Variants in PCDHGB6 observed in about 807,000 individuals in gnomAD.
PCDHGB6 encodes protocadherin gamma subfamily B, 6.
Under a neutral mutation model 59.1 loss-of-function variants are expected in PCDHGB6, and 51 were observed. That is an observed-to-expected ratio of 0.86 (90% CI 0.69 to 1.09). PCDHGB6 has a LOEUF of 1.09. Among genes scored for constraint, PCDHGB6 ranks in the 50% least tolerant of loss-of-function variants. The pLI, the probability that PCDHGB6 is intolerant of heterozygous loss-of-function variation, is 0.00. For synonymous variants in PCDHGB6, 466 were observed against 495.1 expected, an observed-to-expected ratio of 0.94 and a Z score of 0.78; for missense variants, 1,148 against 1,205.1, an observed-to-expected ratio of 0.95 and a Z score of 0.70.
rs1187459113 is a variant in PCDHGB6 at position 141,487,187 on chromosome 5, G to A, written c.2419-7620G>A. On this transcript the variant is annotated intron_variant, in intron 1 of 3. Coordinates refer to ENST00000520790, the MANE Select transcript of PCDHGB6 (RefSeq NM_018926.3). This position sits in a 1 kb window ranked among gnomAD's most constrained non-coding sequence, Gnocchi z 5.0. The stretch of plus-strand genomic sequence containing the variant: ...GTCCTTAGAGGAAGACACTCATCCA[G>A]TTGTCCCAGATCTTCGAGAATCTTC... 1.2e-6 allele frequency: 2 copies of A among 1,613,826 alleles called. No homozygotes were observed. Among genetic ancestry groups the A allele is most frequent in the Admixed American group, 3.3e-5 (2 of 60,024 alleles).
intron 1 of PCDHGB6, chr5:141,428,064 G>A: frequency 6.2e-7 from 1 of 1,609,060 alleles, no homozygotes; most frequent in East Asian, 2.2e-5. Flanking sequence ...GGCGGTGGAC[G>A]CAGATTCGGG....
At chr5:141,419,298 A>G in intron 1 of PCDHGB6, 1 of 1,613,988 alleles carries the variant, frequency 6.2e-7, no homozygotes, top group Non-Finnish European at 8.5e-7. Context: ...TCTGACCCAG[A>G]CTTCGGGCTC....
Position 141,493,022 on chromosome 5 carries a change from G to C in PCDHGB6, c.2419-1785G>C, listed in dbSNP as rs1184742888. On this transcript the variant is annotated intron_variant, in intron 1 of 3. Transcript: ENST00000520790. This position sits in a 1 kb window ranked among gnomAD's most constrained non-coding sequence, Gnocchi z 4.3. Reference sequence around the variant, plus strand: ...GCTATAGGCTCTGCCAGATGCCAGGGTGCCCTTATGTGTGAGGAAACTACA... The same window carrying C: ...GCTATAGGCTCTGCCAGATGCCAGGCTGCCCTTATGTGTGAGGAAACTACA... Among the ~76,000 whole-genome samples the C allele has an allele frequency of 6.6e-6, 1 of 152,222 alleles. No individual in the cohort carries two copies. Among genetic ancestry groups the C allele is most frequent in the Non-Finnish European group, 1.5e-5 (1 of 68,040 alleles).
intron 1 of PCDHGB6, among the ~76,000 whole-genome samples, chr5:141,467,707 G>A (rs1203906639): frequency 6.6e-6 from 1 of 152,140 alleles, no homozygotes; most frequent in Non-Finnish European, 1.5e-5. Flanking sequence ...TGTTGCCCAG[G>A]CTGGAGTGTA....
At position 141,486,045 on chromosome 5, in the gene PCDHGB6, A is replaced by G. The variant is rs2099623524; in HGVS notation, c.2419-8762A>G. The G allele has an allele frequency of 4.3e-6, 7 of 1,613,428 alleles. No individual in the cohort carries two copies. The highest frequency in any genetic ancestry group is 5.1e-6 in the Non-Finnish European group (6 of 1,179,858). ...GGTCATACCCCTGATCGTGTAAGAA[A>G]CCTCTTTAGCCTGCACCCCACTACT... On this transcript the variant is annotated intron_variant, in intron 1 of 3. Coordinates refer to ENST00000520790, the MANE Select transcript of PCDHGB6 (RefSeq NM_018926.3). This position sits in a 1 kb window ranked among gnomAD's most constrained non-coding sequence, Gnocchi z 5.0.
In PCDHGB6 at chr5:141,502,614, T is replaced by C. The variant is rs534996288; in HGVS notation, c.2478-2779T>C. Among the ~76,000 whole-genome samples the C allele has an allele frequency of 7.2e-5, 11 of 152,316 alleles. No homozygotes were observed. In the East Asian group the frequency reaches 1.7e-3, roughly 24 times the overall value. ...AGATATTTTAAAATATTTGTGAAAATATAAGTAATCTGTGGATGATACTTT... is the reference window on the plus strand; with the variant it reads ...AGATATTTTAAAATATTTGTGAAAACATAAGTAATCTGTGGATGATACTTT... On this transcript the variant is annotated intron_variant, in intron 2 of 3. Transcript: ENST00000520790.
rs1369956811 is a variant in PCDHGB6, at chr5:141,460,759, A to G, written c.2419-34048A>G. Among the ~76,000 whole-genome samples, 3 of 152,088 alleles carry G rather than the reference A, an allele frequency of 2.0e-5. No individual in the cohort carries two copies. In the East Asian group the frequency reaches 5.8e-4, roughly 29 times the overall value. On this transcript the variant is annotated intron_variant, in intron 1 of 3. Coordinates refer to ENST00000520790, the MANE Select transcript of PCDHGB6 (RefSeq NM_018926.3). ...ATTGTATATATATGTGTACATATAC[A>G]TATTGCATATGTATGTATACATATA...
intron 1 of PCDHGB6, chr5:141,422,139 A>G (rs2096627272): frequency 6.3e-7 from 1 of 1,588,154 alleles, no homozygotes. Context: ...AAGTTCAAGT[A>G]CGGGGGTCTC....
intron 2 of PCDHGB6, among the ~76,000 whole-genome samples, chr5:141,502,382 T>C (rs1668612742): frequency 1.3e-5 from 2 of 152,088 alleles, no homozygotes; most frequent in Non-Finnish European, 2.9e-5. Context: ...CCAGGCCAGT[T>C]GTACTTTAAA....
intron 1 of PCDHGB6, among the ~76,000 whole-genome samples, chr5:141,482,410 T>G (rs1054330181): frequency 2.3e-4 from 35 of 151,890 alleles, no homozygotes; most frequent in Non-Finnish European, 1.0e-4. Flanking sequence ...AATAACTATT[T>G]GTTGAACTAA....
chr5:141,408,082 G>C lies in PCDHGB6; in HGVS notation c.-121G>C, dbSNP rs890768118. On this transcript the variant is annotated 5_prime_UTR_variant, in exon 1 of 4. Transcript: ENST00000520790. ...GGCTGCGCAGACCTTTCCCAGCACA[G>C]CGGATTGCCAGCTCCGAGACCCGGG... 2.1e-6 allele frequency: 3 copies of C among 1,417,248 alleles called. No individual in the cohort carries two copies. Among genetic ancestry groups the C allele is most frequent in the Non-Finnish European group, 1.9e-6 (2 of 1,076,446 alleles). The allele number at this position is 1,417,248 out of a possible 1,614,324, so 87.8% of individuals were successfully genotyped here. A position where few individuals can be genotyped will look rare whatever the true frequency, so the allele number is the denominator to read the frequency against.
At chr5:141,419,354 C>T in intron 1 of PCDHGB6, 3 of 1,613,828 alleles carry the variant, frequency 1.9e-6, no homozygotes, top group Non-Finnish European at 1.7e-6. Flanking sequence ...CCTGGAGTCA[C>T]GAACGCTGTC....
intron 1 of PCDHGB6, among the ~76,000 whole-genome samples, chr5:141,474,102 AAAC>A (rs909174523): frequency 2.6e-4 from 40 of 152,286 alleles, no homozygotes; most frequent in African/African-American, 8.7e-4. Flanking sequence ...ACAACAACAA[AAAC>A]AACAACAACG....
intron 1 of PCDHGB6, chr5:141,426,438 G>A (rs567163831): frequency 4.7e-5 from 14 of 300,110 alleles, no homozygotes; most frequent in Admixed American, 1.7e-4. Context: ...GGAACCTTGC[G>A]GAGGACATGC....
rs1426255577 is a variant in PCDHGB6, at chr5:141,512,797, TG to T, written c.*1625del. 6.6e-6 allele frequency: 1 copy of T among 152,300 alleles called. No homozygotes were observed. Among genetic ancestry groups the T allele is most frequent in the African/African-American group, 2.4e-5 (1 of 41,444 alleles). The allele number at this position is 152,300 out of a possible 1,614,324, so 9.4% of individuals were successfully genotyped here. On this transcript the variant is annotated 3_prime_UTR_variant, in exon 4 of 4. Transcript: ENST00000520790. ...GCGGCCCGTGTTGTGTTTTGTGCTGTGTCCACGCGCTAAGGCGACCCCCTCC... is the reference window on the plus strand; with the variant it reads ...GCGGCCCGTGTTGTGTTTTGTGCTGTTCCACGCGCTAAGGCGACCCCCTCC...
At position 141,432,069 on chromosome 5, in the gene PCDHGB6, A is replaced by G. The variant is rs572724741; in HGVS notation, c.2418+21449A>G. On this transcript the variant is annotated intron_variant, in intron 1 of 3. Transcript: ENST00000520790. The surrounding 1 kb of genome is among the most constrained non-coding windows in gnomAD (Gnocchi z 6.0). ...ACCCCGCCCCTATCCACGGAAACTC[A>G]TATCTCGCTGAACGTGGCAGACACC... 646 of 1,614,168 alleles carry G rather than the reference A, an allele frequency of 4.0e-4. 5 individuals are homozygous for G. In the South Asian group the frequency reaches 6.9e-3, roughly 17 times the overall value.
At chr5:141,413,677 G>C (rs539552615) in intron 1 of PCDHGB6, 1 of 1,613,794 alleles carries the variant, frequency 6.2e-7, no homozygotes, top group South Asian at 1.1e-5. Context: ...GGATGTGGGC[G>C]TGAACTCCCT....
rs554003983 is a variant in PCDHGB6, at chr5:141,415,548, A to T, written c.2418+4928A>T. 10 of 1,614,160 alleles carry T rather than the reference A, an allele frequency of 6.2e-6. No individual in the cohort carries two copies. The East Asian group carries it at 1.8e-4, about 29-fold the overall frequency. ...TCATCAGCCAGGAGAGCTGTGAGAA[A>T]AACGATCCTTTGTCTTTGTTAGATG... On this transcript the variant is annotated intron_variant, in intron 1 of 3. Coordinates refer to ENST00000520790, the MANE Select transcript of PCDHGB6 (RefSeq NM_018926.3).
chr5:141,427,109 C>A lies in PCDHGB6; in HGVS notation c.2418+16489C>A, dbSNP rs141512367. On this transcript the variant is annotated intron_variant, in intron 1 of 3. Coordinates refer to ENST00000520790, the MANE Select transcript of PCDHGB6 (RefSeq NM_018926.3). ...AGGATGAGGGTGTCAATGCGGAGAT[C>A]ACCTACTCTTTCAAATCCCTACGAG... 1,737 of 457,784 alleles carry A rather than the reference C, an allele frequency of 3.8e-3. 17 individuals carry two copies. Among genetic ancestry groups the A allele is most frequent in the Admixed American group, 0.01 (426 of 42,600 alleles). 28.4% of individuals were successfully genotyped at this position (457,784 alleles called of 1,614,324 possible). A position where few individuals can be genotyped will look rare whatever the true frequency, so the allele number is the denominator to read the frequency against.
Sources: allele counts gnomAD v4.1 joint callset (sites outside exome capture counted in the v4.1 genomes callset), GRCh38; gene constraint gnomAD v4.1.1; non-coding constraint Gnocchi (gnomAD v3.1); transcripts MANE v1.5; gene names NCBI Gene and HGNC (gene_info 2026-07-23, HGNC 2026-07-21).